NGEF: variants seen among roughly 807,000 people sequenced by gnomAD.
NGEF encodes ephexin-1.
Under a neutral mutation model 80.9 loss-of-function variants are expected in NGEF, and 31 were observed. That is an observed-to-expected ratio of 0.38 (90% CI 0.29 to 0.52). The LOEUF (loss-of-function observed/expected upper bound fraction) is 0.52, where lower values mean the gene tolerates loss of function less well. NGEF is among the 20% of genes least tolerant of loss of function. The probability of loss-of-function intolerance (pLI) is 0.84; values close to 1 mark genes in which losing one functional copy is unlikely to be tolerated. For missense variants in NGEF, 709 were observed against 926.2 expected, an observed-to-expected ratio of 0.77 and a Z score of 3.04; for synonymous variants, 371 against 370.2, an observed-to-expected ratio of 1.00 and a Z score of -0.03.
At chr2:232,993,863 G>C (rs1472103062) in intron 1 of NGEF, among the ~76,000 whole-genome samples, 1 of 152,158 alleles carries the variant, frequency 6.6e-6, no homozygotes, top group Admixed American at 6.5e-5. Context: ...GTCCAGAACC[G>C]GAGACTCCAC....
intron 1 of NGEF, among the ~76,000 whole-genome samples, chr2:232,983,141 C>G (rs1414003472): frequency 6.6e-6 from 1 of 152,050 alleles, no homozygotes; most frequent in African/African-American, 2.4e-5. Context: ...AGAGAAAGAT[C>G]CTGGAAAAAT....
At chr2:232,901,654 A>G (rs1692361004) in intron 5 of NGEF, among the ~76,000 whole-genome samples, 1 of 152,192 alleles carries the variant, frequency 6.6e-6, no homozygotes, top group South Asian at 2.1e-4. Context: ...GGGTTCTGCG[A>G]GGTCCCTTCC....
intron 3 of NGEF, among the ~76,000 whole-genome samples, chr2:232,947,942 AC>A (rs1250309039): frequency 6.6e-6 from 1 of 152,228 alleles, no homozygotes; most frequent in Non-Finnish European, 1.5e-5. Context: ...TTTTAAAAAA[AC>A]GTATTGACAC....
intron 5 of NGEF, among the ~76,000 whole-genome samples, chr2:232,900,979 G>A (rs1043890864): frequency 6.6e-6 from 1 of 152,180 alleles, no homozygotes; most frequent in South Asian, 2.1e-4. Context: ...AGTTAGGGCC[G>A]CCTACACCAC....
intron 9 of NGEF, among the ~76,000 whole-genome samples, chr2:232,887,479 G>A (rs1259757107): frequency 1.3e-5 from 2 of 150,634 alleles, no homozygotes; most frequent in African/African-American, 2.5e-5. Context: ...ATGCACAGGG[G>A]TGACTGAGCT....
chr2:232,937,052 G>A (rs761051056), intron 3 of NGEF, among the ~76,000 whole-genome samples: 1 of 152,012 alleles, frequency 6.6e-6, no homozygotes, highest in Non-Finnish European at 1.5e-5. Flanking sequence ...TCACTGCAAC[G>A]TCTGCATCCC....
At chr2:232,975,010 G>T in intron 1 of NGEF, 46 bp from the exon 2 acceptor site, 1 of 979,532 alleles carries the variant, frequency 1.0e-6, no homozygotes, top group Non-Finnish European at 1.5e-6. Context: ...ATCAGGCTAA[G>T]TATTCTATTC....
At chr2:232,983,637 T>C (rs187583544) in intron 1 of NGEF, among the ~76,000 whole-genome samples, 5 of 152,036 alleles carry the variant, frequency 3.3e-5, no homozygotes, top group Admixed American at 3.3e-4. Context: ...AGCAAGAATG[T>C]GCGGGGGAAG....
At chr2:232,970,709 G>A (rs982966413) in intron 2 of NGEF, among the ~76,000 whole-genome samples, 1 of 152,062 alleles carries the variant, frequency 6.6e-6, no homozygotes, top group Non-Finnish European at 1.5e-5. Context: ...AAGCTACCTG[G>A]GAGGCTGAGG....
intron 4 of NGEF, among the ~76,000 whole-genome samples, chr2:232,925,939 G>T (rs1878287): frequency 0.25 from 37,298 of 152,026 alleles, 4,845 homozygotes; most frequent in Non-Finnish European, 0.29. Context: ...CGGAGTCAGC[G>T]CGGCTTAACA....
At chr2:232,940,359 C>A (rs937771212) in intron 3 of NGEF, among the ~76,000 whole-genome samples, 2 of 152,188 alleles carry the variant, frequency 1.3e-5, no homozygotes, top group Non-Finnish European at 2.9e-5. Context: ...GTGGAATTCA[C>A]CAAGGGGTGG....
At chr2:232,941,992 A>G (rs1693446574) in intron 3 of NGEF, among the ~76,000 whole-genome samples, 1 of 150,332 alleles carries the variant, frequency 6.7e-6, no homozygotes, top group Non-Finnish European at 1.5e-5. Context: ...ACAAGTCCTA[A>G]CCAGAATGCT....
chr2:232,927,843 G>A (rs1693111959), intron 3 of NGEF: 7 of 1,191,304 alleles, frequency 5.9e-6, no homozygotes, highest in Non-Finnish European at 7.4e-6. Context: ...AGCTGGGAAA[G>A]AGGCACGCGG....
At chr2:232,977,950 C>T (rs772796509) in intron 1 of NGEF, among the ~76,000 whole-genome samples, 4 of 152,076 alleles carry the variant, frequency 2.6e-5, no homozygotes, top group African/African-American at 4.8e-5. Context: ...GGGTGCCTGG[C>T]GGAATGCCAC....
intron 14 of NGEF, among the ~76,000 whole-genome samples, chr2:232,880,029 G>A (rs909776120): frequency 6.6e-6 from 1 of 152,226 alleles, no homozygotes; most frequent in African/African-American, 2.4e-5. Flanking sequence ...CAAGGGGCTG[G>A]TGGGGGTGGC....
At chr2:232,971,676 G>A (rs1036701855) in intron 2 of NGEF, among the ~76,000 whole-genome samples, 2 of 152,136 alleles carry the variant, frequency 1.3e-5, no homozygotes, top group South Asian at 2.1e-4. Flanking sequence ...GTGACAGAGC[G>A]AGACTCCATC....
chr2:232,892,155 AT>A lies in NGEF; in HGVS notation c.1143-669del, dbSNP rs1467488240. On this transcript the variant is annotated intron_variant, in intron 7 of 14. Coordinates refer to ENST00000264051, the MANE Select transcript of NGEF (RefSeq NM_019850.3). The surrounding 1 kb of genome is among the most constrained non-coding windows in gnomAD (Gnocchi z 4.0). Reference sequence around the variant, plus strand: ...GTTTATCCTCAAAAATTGCATCCTCATTCCCTCCAATTCCAATTTTCCTTCA... The same window carrying A: ...GTTTATCCTCAAAAATTGCATCCTCATCCCTCCAATTCCAATTTTCCTTCA... Among the ~76,000 whole-genome samples, 7 of 152,164 alleles carry A rather than the reference AT, an allele frequency of 4.6e-5. No individual in the cohort carries two copies. The highest frequency in any genetic ancestry group is 1.7e-4 in the African/African-American group (7 of 41,524).
At position 233,008,367 on chromosome 2, in the gene NGEF, G is replaced by A. The variant is rs564341608; in HGVS notation, c.-75+4701C>T. ...TGGGCCCAGAGAGCAATTGCATCCA[G>A]CAATTGCTTGTTGATGGGCTGCATG... On this transcript the variant is annotated intron_variant, in intron 1 of 14. Coordinates refer to ENST00000264051, the MANE Select transcript of NGEF (RefSeq NM_019850.3). 1.1e-4 allele frequency among the ~76,000 whole-genome samples: 17 copies of A among 152,306 alleles called. No individual in the cohort carries two copies. In the East Asian group the frequency reaches 2.5e-3, roughly 22 times the overall value.
At chr2:232,948,592 G>A (rs73995736) in intron 3 of NGEF, among the ~76,000 whole-genome samples, 14,200 of 152,118 alleles carry the variant, frequency 0.093, 843 homozygotes, top group African/African-American at 0.17. Context: ...TCTAGATTGA[G>A]GCCATATGGG....
Sources: allele counts gnomAD v4.1 joint callset (sites outside exome capture counted in the v4.1 genomes callset), GRCh38; gene constraint gnomAD v4.1.1; non-coding constraint Gnocchi (gnomAD v3.1); transcripts MANE v1.5; gene names NCBI Gene and HGNC (gene_info 2026-07-23, HGNC 2026-07-21).